SCIN: variants seen among roughly 807,000 people sequenced by gnomAD.
SCIN encodes scinderin.
A neutral mutation model predicts 91.8 loss-of-function variants in SCIN; 91 were observed. The observed-to-expected ratio is 0.99, with a 90% confidence interval of 0.84 to 1.18. The LOEUF (loss-of-function observed/expected upper bound fraction) is 1.18, where lower values mean the gene tolerates loss of function less well. SCIN is among the 50% of genes most tolerant of loss of function. SCIN has a pLI of 0.00. For synonymous variants in SCIN, 367 were observed against 312.6 expected (o/e 1.17, Z -1.84); for missense variants, 1,087 against 863.9 (o/e 1.26, Z -3.24).
chr7:12,613,550 G>A (rs970715102), intron 4 of SCIN, among the ~76,000 whole-genome samples: 14 of 152,036 alleles, frequency 9.2e-5, no homozygotes, highest in African/African-American at 3.1e-4. Context: ...TTGGAAAGAG[G>A]TTCCTAAAAT....
Position 12,596,798 on chromosome 7 carries a change from G to A in SCIN, c.517-7716G>A, listed in dbSNP as rs80156302. Among the ~76,000 whole-genome samples the A allele has an allele frequency of 3.3e-5, 5 of 152,102 alleles. No homozygotes were observed. The East Asian group carries it at 9.7e-4, about 29-fold the overall frequency. ...CCAAAACTGTTCATCTGGTCCTGAT[G>A]AGTGGCATCACTACCAGCAACCAAG... is the stretch of plus-strand genomic sequence containing the variant. On this transcript the variant is annotated intron_variant, in intron 3 of 15. Coordinates refer to ENST00000297029, the MANE Select transcript of SCIN (RefSeq NM_001112706.3).
intron 4 of SCIN, among the ~76,000 whole-genome samples, chr7:12,612,586 C>G (rs1783215810): frequency 6.6e-6 from 1 of 152,312 alleles, no homozygotes; most frequent in South Asian, 2.1e-4. Flanking sequence ...TTGCGACGCT[C>G]TCTAGAACAC....
intron 3 of SCIN, chr7:12,596,461 C>T (rs531075718): frequency 4.4e-6 from 2 of 456,220 alleles, no homozygotes; most frequent in South Asian, 3.1e-5. Context: ...CTTTCTGGTG[C>T]CAGCTGCCAA....
At chr7:12,648,287 C>T (rs1784005558) in intron 13 of SCIN, among the ~76,000 whole-genome samples, 1 of 144,634 alleles carries the variant, frequency 6.9e-6, no homozygotes, top group Admixed American at 6.9e-5. Context: ...GACTTTTTCT[C>T]TCTCTCTCTT....
chr7:12,592,508 T>C (rs1782746411), intron 3 of SCIN, among the ~76,000 whole-genome samples: 1 of 151,786 alleles, frequency 6.6e-6, no homozygotes, highest in South Asian at 2.1e-4. Flanking sequence ...GGGGTCATGG[T>C]GAGCAGCTAC....
chr7:12,602,304 C>T (rs377766114), intron 3 of SCIN, among the ~76,000 whole-genome samples: 2 of 152,032 alleles, frequency 1.3e-5, no homozygotes, highest in East Asian at 3.9e-4. Flanking sequence ...CTTCAAAGGG[C>T]AAAAAGGAGA....
chr7:12,648,512 G>A (rs1386417159), intron 13 of SCIN, among the ~76,000 whole-genome samples: 1 of 152,004 alleles, frequency 6.6e-6, no homozygotes, highest in South Asian at 2.1e-4. Flanking sequence ...GGCCAGGCTG[G>A]TCTTGAACTC....
At position 12,570,744 on chromosome 7, in the gene SCIN, T is replaced by C. The variant is rs567000578; in HGVS notation, c.-43T>C. The stretch of plus-strand genomic sequence containing the variant: ...CTGCTGCTCTCGGTTTAGTCCAAGA[T>C]CAGCGATATCACGCGTCCCCCGGAG... On this transcript the variant is annotated 5_prime_UTR_variant, in exon 1 of 16. Transcript: ENST00000297029. 428 of 1,536,930 alleles carry C rather than the reference T, an allele frequency of 2.8e-4. 3 individuals are homozygous for C. The South Asian group carries it at 4.9e-3, about 18-fold the overall frequency.
chr7:12,626,133 A>G (rs1783517377), intron 7 of SCIN: 2 of 371,062 alleles, frequency 5.4e-6, no homozygotes, highest in Non-Finnish European at 9.6e-6. Context: ...AGAGCACTTA[A>G]GAGTTATTAT....
At chr7:12,635,990 G>A in intron 9 of SCIN, 55 bp from the exon 10 acceptor site, 2 of 1,317,740 alleles carry the variant, frequency 1.5e-6, no homozygotes, top group East Asian at 2.4e-5. Flanking sequence ...ATGCCTACAT[G>A]TGACGATCTT....
rs1186665722 is a variant in SCIN at position 12,570,923 on chromosome 7, A to G, written c.137A>G (p.Tyr46Cys). Residue 46 changes from tyrosine to cysteine, a missense_variant, in exon 1 of 16, where the codon TAC (tyrosine) becomes TGC (cysteine). Tyr to Cys is a radical substitution (Grantham distance 194). Coordinates refer to ENST00000297029, the MANE Select transcript of SCIN (RefSeq NM_001112706.3). ...AHGDFYVGDA[Y>C]LVLHTAKTSR... ...GGCGACTTCTACGTCGGGGATGCCT[A>G]CCTGGTGCTGCACACGGCCAAGACG... is the stretch of plus-strand genomic sequence containing the variant. The G allele has an allele frequency of 6.4e-7, 1 of 1,551,376 alleles. No homozygotes were observed.
At chr7:12,638,952 C>T (rs1284988007) in intron 10 of SCIN, among the ~76,000 whole-genome samples, 1 of 152,046 alleles carries the variant, frequency 6.6e-6, no homozygotes, top group Non-Finnish European at 1.5e-5. Context: ...TTTCATAGTA[C>T]TATATTTGAT....
At position 12,652,839 on chromosome 7, in the gene SCIN, C is replaced by T; in HGVS notation, c.*124C>T. 1 of 1,198,258 alleles carries T rather than the reference C, an allele frequency of 8.3e-7. No individual in the cohort carries two copies. The highest frequency in any genetic ancestry group is 1.2e-6 in the Non-Finnish European group (1 of 858,838). The allele number at this position is 1,198,258 out of a possible 1,614,324, so 74.2% of individuals were successfully genotyped here. A position where few individuals can be genotyped will look rare whatever the true frequency, so the allele number is the denominator to read the frequency against. ...AAAATTAAGGCTGGGCGCGGTGGCTCACACCTGTAATCCCAGCACTTTGAG... is the reference window on the plus strand; with the variant it reads ...AAAATTAAGGCTGGGCGCGGTGGCTTACACCTGTAATCCCAGCACTTTGAG... On this transcript the variant is annotated 3_prime_UTR_variant, in exon 16 of 16. Coordinates refer to ENST00000297029, the MANE Select transcript of SCIN (RefSeq NM_001112706.3).
At chr7:12,648,127 G>T (rs1784001971) in intron 13 of SCIN, among the ~76,000 whole-genome samples, 1 of 151,956 alleles carries the variant, frequency 6.6e-6, no homozygotes, top group South Asian at 2.1e-4. Flanking sequence ...ATGGGTGGAT[G>T]AAGCTAACCC....
At chr7:12,652,451 C>G (rs898088218) in intron 15 of SCIN, 137 bp from the exon 16 acceptor site, 5 of 758,144 alleles carry the variant, frequency 6.6e-6, no homozygotes, top group Non-Finnish European at 1.0e-5. Context: ...GAAGAATTTT[C>G]ATTTTCAATG....
rs575513886 is a variant in SCIN at position 12,583,097 on chromosome 7, G to A, written c.516+1876G>A. ...ATGTAATTAATTGCTGCCATTACTT[G>A]AAAGTATTTCTTTTCTTAAAAAAAA... On this transcript the variant is annotated intron_variant, in intron 3 of 15. Coordinates refer to ENST00000297029, the MANE Select transcript of SCIN (RefSeq NM_001112706.3). Among the ~76,000 whole-genome samples, 14 of 151,712 alleles carry A rather than the reference G, an allele frequency of 9.2e-5. No homozygotes were observed. In the South Asian group the frequency reaches 2.7e-3, roughly 29 times the overall value.
intron 14 of SCIN, among the ~76,000 whole-genome samples, chr7:12,650,477 G>A (rs902607679): frequency 3.3e-5 from 5 of 152,118 alleles, no homozygotes; most frequent in African/African-American, 7.2e-5. Flanking sequence ...GATTTCCCAT[G>A]CCACATTTCA....
chr7:12,625,822 A>G lies in SCIN; in HGVS notation c.953A>G (p.Gln318Arg), dbSNP rs1453804116. The G allele has an allele frequency of 6.2e-7, 1 of 1,612,616 alleles. No individual in the cohort carries two copies. The highest frequency in any genetic ancestry group is 8.5e-7 in the Non-Finnish European group (1 of 1,178,920). Residue 318 changes from glutamine to arginine, a missense_variant, in exon 7 of 16, where the codon CAG becomes CGG. Transcript: ENST00000297029. ...ATGAAGACAGCTGAAGAATTTCTACAGCAAATGAATTATTCCAAGAATACC... is the reference window on the plus strand; with the variant it reads ...ATGAAGACAGCTGAAGAATTTCTACGGCAAATGAATTATTCCAAGAATACC... ...AAMKTAEEFL[Q>R]QMNYSKNTQI...
chr7:12,656,425 A>G lies in SCIN; in HGVS notation c.*3710A>G, dbSNP rs1205086527. On this transcript the variant is annotated 3_prime_UTR_variant, in exon 16 of 16. Coordinates refer to ENST00000297029, the MANE Select transcript of SCIN (RefSeq NM_001112706.3). ...AATTTATTTATTTTAAACCTAATTTATTTTAAACCTAATTTATTTATTTTA... is the reference window on the plus strand; with the variant it reads ...AATTTATTTATTTTAAACCTAATTTGTTTTAAACCTAATTTATTTATTTTA... The G allele has an allele frequency of 1.3e-5, 2 of 152,196 alleles. No individual in the cohort carries two copies. Among genetic ancestry groups the G allele is most frequent in the African/African-American group, 2.4e-5 (1 of 41,454 alleles). The allele number at this position is 152,196 out of a possible 1,614,324, so 9.4% of individuals were successfully genotyped here. A position where few individuals can be genotyped will look rare whatever the true frequency, so the allele number is the denominator to read the frequency against.
Sources: gnomAD v4.1 joint callset for allele counts (sites outside exome capture counted in the v4.1 genomes callset) on GRCh38, gnomAD v4.1.1 for gene constraint, MANE v1.5 for transcripts, NCBI Gene and HGNC (gene_info 2026-07-23, HGNC 2026-07-21) for gene names.